DNAJC1: variants seen among roughly 807,000 people sequenced by gnomAD.
The protein encoded by DNAJC1 is DnaJ heat shock protein family (Hsp40) member C1.
A neutral mutation model predicts 76.6 loss-of-function variants in DNAJC1; 58 were observed. The ratio of observed to expected loss-of-function variants is 0.76; its 90% CI spans 0.61 to 0.94. The LOEUF is 0.94. Among genes scored for constraint, DNAJC1 ranks in the 40% least tolerant of loss-of-function variants. The probability of loss-of-function intolerance (pLI) is 0.00; values close to 1 mark genes in which losing one functional copy is unlikely to be tolerated. For missense variants in DNAJC1, 689 were observed against 677.3 expected, an observed-to-expected ratio of 1.02 and a Z score of -0.19; for synonymous variants, 258 against 267.9, an observed-to-expected ratio of 0.96 and a Z score of 0.36.
chr10:21,777,847 A>G (rs1834472811), intron 9 of DNAJC1, among the ~76,000 whole-genome samples: 1 of 152,206 alleles, frequency 6.6e-6, no homozygotes, highest in Non-Finnish European at 1.5e-5. Context: ...ATATTAACAA[A>G]ACATTTTCAT....
At chr10:21,786,626 G>A (rs891475436) in intron 9 of DNAJC1, among the ~76,000 whole-genome samples, 13 of 151,796 alleles carry the variant, frequency 8.6e-5, no homozygotes, top group South Asian at 2.1e-4. Context: ...GCAGGCGTGC[G>A]CCACCACACC....
intron 8 of DNAJC1, among the ~76,000 whole-genome samples, chr10:21,870,727 G>T (rs1482661128): frequency 1.3e-5 from 2 of 151,990 alleles, no homozygotes; most frequent in Non-Finnish European, 2.9e-5. Context: ...GTGAGCTATG[G>T]TGGCGCCACA....
chr10:21,923,698 G>A (rs1458552458), intron 3 of DNAJC1, among the ~76,000 whole-genome samples: 2 of 151,744 alleles, frequency 1.3e-5, no homozygotes, highest in South Asian at 4.1e-4. Context: ...GGCCTAATGT[G>A]TGTTTATTTC....
rs995655195 is a variant in DNAJC1 at position 21,920,897 on chromosome 10, C to T, written c.438G>A (p.Val146=). ...CCAGCTCAGCATTGCTCATTTTTCTCACCCGCCTGTAGTAGAATACAGGCT... is the reference window on the plus strand; with the variant it reads ...CCAGCTCAGCATTGCTCATTTTTCTTACCCGCCTGTAGTAGAATACAGGCT... ...WRQPVFYYRR[V]RKMSNAELAL... The change falls in exon 4 of 12, where the codon GTG becomes GTA. Residue 146 remains valine (V), a synonymous_variant. Coordinates refer to ENST00000376980, the MANE Select transcript of DNAJC1 (RefSeq NM_022365.4). 7 of 1,612,910 alleles carry T rather than the reference C, an allele frequency of 4.3e-6. No homozygotes were observed. The highest frequency in any genetic ancestry group is 5.9e-6 in the Non-Finnish European group (7 of 1,179,312).
intron 6 of DNAJC1, among the ~76,000 whole-genome samples, chr10:21,910,009 G>A (rs1029216166): frequency 2.0e-5 from 3 of 152,180 alleles, no homozygotes; most frequent in Admixed American, 2.0e-4. Flanking sequence ...TTTTCAGTTG[G>A]CCTGATGAAG....
intron 8 of DNAJC1, among the ~76,000 whole-genome samples, chr10:21,844,667 C>T (rs571528695): frequency 1.3e-5 from 2 of 152,164 alleles, no homozygotes; most frequent in South Asian, 4.2e-4. Flanking sequence ...CAATAGTCTA[C>T]CCCACCACCA....
At chr10:21,849,292 CA>C (rs33953332) in intron 8 of DNAJC1, among the ~76,000 whole-genome samples, 1,427 of 35,702 alleles carry the variant, frequency 0.04, 2 homozygotes, top group African/African-American at 0.12. Context: ...GACTCCGCCT[CA>C]AAAAAAAAAA....
At chr10:21,796,217 G>A (rs984103761) in intron 9 of DNAJC1, among the ~76,000 whole-genome samples, 1 of 151,904 alleles carries the variant, frequency 6.6e-6, no homozygotes, top group East Asian at 1.9e-4. Flanking sequence ...TGATCTGCCC[G>A]CCTCAGCCTC....
rs1417224793 is a variant in DNAJC1 at position 21,756,765 on chromosome 10, G to A, written c.1597-10C>T. 1.2e-6 allele frequency: 2 copies of A among 1,610,896 alleles called. No homozygotes were observed. The highest frequency in any genetic ancestry group is 3.3e-5 in the Admixed American group (2 of 59,790). ...TAGCGATACAGTCTTCCTGTAGGAA[G>A]AAAAAAAGAGAGGTGAGAACAGTCA... On this transcript the variant is annotated splice_polypyrimidine_tract_variant and intron_variant, in intron 11 of 11. Transcript: ENST00000376980.
intron 1 of DNAJC1, among the ~76,000 whole-genome samples, chr10:21,988,963 G>C (rs1838289608): frequency 6.6e-6 from 1 of 152,086 alleles, no homozygotes; most frequent in African/African-American, 2.4e-5. Context: ...GGACATATAT[G>C]TCATTCTGAG....
intron 1 of DNAJC1, among the ~76,000 whole-genome samples, chr10:21,963,291 C>G (rs532767967): frequency 1.4e-4 from 21 of 152,230 alleles, no homozygotes; most frequent in African/African-American, 5.1e-4. Flanking sequence ...AAGGTTTTCA[C>G]CAAAAGTAAA....
intron 8 of DNAJC1, among the ~76,000 whole-genome samples, chr10:21,850,411 G>C (rs1835733696): frequency 6.6e-6 from 1 of 151,954 alleles, no homozygotes; most frequent in East Asian, 1.9e-4. Context: ...TAACTAAGGA[G>C]GTGAAGGACT....
chr10:21,930,324 T>C (rs922600802), intron 1 of DNAJC1, among the ~76,000 whole-genome samples: 7 of 152,168 alleles, frequency 4.6e-5, no homozygotes, highest in Admixed American at 4.6e-4. Flanking sequence ...TAAAATAACA[T>C]ATTAATATTG....
At chr10:21,905,602 C>G (rs1170359988) in intron 6 of DNAJC1, among the ~76,000 whole-genome samples, 1 of 152,166 alleles carries the variant, frequency 6.6e-6, no homozygotes, top group Non-Finnish European at 1.5e-5. Flanking sequence ...CCCTTGTACA[C>G]TACTTCTATA....
At chr10:21,966,735 G>A (rs1201116686) in intron 1 of DNAJC1, among the ~76,000 whole-genome samples, 9 of 149,514 alleles carry the variant, frequency 6.0e-5, no homozygotes, top group African/African-American at 2.2e-4. Context: ...GCCCAGGCTG[G>A]AGTGCAATGG....
chr10:21,765,819 G>A (rs1834293843), intron 10 of DNAJC1, among the ~76,000 whole-genome samples: 1 of 150,538 alleles, frequency 6.6e-6, no homozygotes, highest in Non-Finnish European at 1.5e-5. Flanking sequence ...ACGCTAGCCT[G>A]GGCAACAGAG....
chr10:21,929,253 C>A, intron 1 of DNAJC1, 112 bp from the exon 2 acceptor site: 2 of 674,326 alleles, frequency 3.0e-6, no homozygotes, highest in Non-Finnish European at 5.0e-6. Flanking sequence ...GGACCCCAGG[C>A]AATGTAATTT....
rs375575562 is a variant in DNAJC1, at chr10:21,919,781, G to A, written c.635+51C>T. 47 of 1,241,686 alleles carry A rather than the reference G, an allele frequency of 3.8e-5. No individual in the cohort carries two copies. The African/African-American group carries it at 7.0e-4, about 18-fold the overall frequency. The allele number at this position is 1,241,686 out of a possible 1,614,324, so 76.9% of individuals were successfully genotyped here. A position where few individuals can be genotyped will look rare whatever the true frequency, so the allele number is the denominator to read the frequency against. On this transcript the variant is annotated intron_variant, in intron 5 of 11. Transcript: ENST00000376980. Reference sequence around the variant, plus strand: ...ACATATGAAGTTGAATCATATTAAAGATGTATTTTAAAACAGCTTCAAATT... The same window carrying A: ...ACATATGAAGTTGAATCATATTAAAAATGTATTTTAAAACAGCTTCAAATT...
At chr10:21,909,020 G>C (rs574539442) in intron 6 of DNAJC1, among the ~76,000 whole-genome samples, 32 of 152,154 alleles carry the variant, frequency 2.1e-4, no homozygotes, top group African/African-American at 7.5e-4. Flanking sequence ...CCAAGTAGCT[G>C]GGATAACAGG....
Sources: allele counts gnomAD v4.1 joint callset (sites outside exome capture counted in the v4.1 genomes callset), GRCh38; gene constraint gnomAD v4.1.1; transcripts MANE v1.5; gene names NCBI Gene and HGNC (gene_info 2026-07-23, HGNC 2026-07-21).